Variants in UNC79 observed in about 807,000 individuals in gnomAD.
UNC79 encodes the protein unc-79 subunit of NALCN channel complex, also known as protein unc-79 homolog.
In UNC79, 37 loss-of-function variants were observed where a neutral mutation model predicts 283.1. The observed-to-expected ratio is 0.13, with a 90% CI of 0.10 to 0.17. The LOEUF (loss-of-function observed/expected upper bound fraction) is 0.17, where lower values mean the gene tolerates loss of function less well. Among genes scored for constraint, UNC79 ranks in the 10% least tolerant of loss-of-function variants. The pLI, the probability that UNC79 is intolerant of heterozygous loss-of-function variation, is 1.00. For synonymous variants in UNC79, 1,107 were observed against 1,200.2 expected, an observed-to-expected ratio of 0.92 and a Z score of 1.61; for missense variants, 2,272 against 3,211.1, an observed-to-expected ratio of 0.71 and a Z score of 7.07.
chr14:93,686,489 A>C (rs1426420049), intron 42 of UNC79, 83 bp from the exon 46 acceptor site: 10 of 1,451,610 alleles, frequency 6.9e-6, no homozygotes, highest in African/African-American at 1.4e-5. Flanking sequence ...ACTCCTTAGT[A>C]AACAACGTGA....
Position 93,572,831 on chromosome 14 carries a change from CT to C in UNC79, c.2070+18del. The C allele has an allele frequency of 6.2e-7, 1 of 1,611,792 alleles. No homozygotes were observed. Among genetic ancestry groups the C allele is most frequent in the African/African-American group, 1.3e-5 (1 of 74,878 alleles). ...TGTGGCTTCATGTAAGTGAATAATACTTTCGATCATTTTAGGAAATAGTTCT... is the reference window on the plus strand; with the variant it reads ...TGTGGCTTCATGTAAGTGAATAATACTTCGATCATTTTAGGAAATAGTTCT... On this transcript the variant is annotated intron_variant, in intron 16 of 48. Coordinates refer to ENST00000555664, the Ensembl canonical transcript of UNC79.
At chr14:93,479,808 T>A (rs767218005) in intron 4 of UNC79, among the ~76,000 whole-genome samples, 33 of 151,980 alleles carry the variant, frequency 2.2e-4, no homozygotes, top group Non-Finnish European at 3.1e-4. Flanking sequence ...ATTAAAAAAA[T>A]TTTTTTGTAG....
At chr14:93,385,719 CAGTGA>C (rs1302378191) in intron 1 of UNC79, among the ~76,000 whole-genome samples, 1 of 149,708 alleles carries the variant, frequency 6.7e-6, no homozygotes, top group African/African-American at 2.5e-5. Flanking sequence ...GTGGAGGTTG[CAGTGA>C]GCAGTGTTTG....
chr14:93,619,270 G>C (rs570299830), intron 29 of UNC79, among the ~76,000 whole-genome samples: 1 of 152,336 alleles, frequency 6.6e-6, no homozygotes, highest in South Asian at 2.1e-4. Context: ...CCAGTTTAGG[G>C]TTTAGTCTCT....
At chr14:93,514,713 A>C (rs2059975638) in intron 7 of UNC79, among the ~76,000 whole-genome samples, 3 of 152,116 alleles carry the variant, frequency 2.0e-5, no homozygotes, top group Admixed American at 2.0e-4. Flanking sequence ...TACCCACCAA[A>C]AACGCTGATT....
At chr14:93,457,340 A>G (rs1214230138) in intron 1 of UNC79, among the ~76,000 whole-genome samples, 1 of 152,248 alleles carries the variant, frequency 6.6e-6, no homozygotes, top group African/African-American at 2.4e-5. Context: ...CATCCATGAT[A>G]GAAGGAAGTC....
At chr14:93,578,169 T>C in intron 18 of UNC79, 106 bp downstream of exon 18, 1 of 1,117,216 alleles carries the variant, frequency 9.0e-7, no homozygotes, top group Non-Finnish European at 1.3e-6. Context: ...ATCAAAATGA[T>C]TCAGCATCAC....
chr14:93,459,204 C>T (rs372377713), intron 1 of UNC79, among the ~76,000 whole-genome samples: 1 of 152,174 alleles, frequency 6.6e-6, no homozygotes, highest in African/African-American at 2.4e-5. Flanking sequence ...GTTGGCCAGG[C>T]TGGTCTCAAA....
intron 14 of UNC79, among the ~76,000 whole-genome samples, chr14:93,570,117 A>T (rs565615541): frequency 2.0e-5 from 3 of 152,096 alleles, no homozygotes; most frequent in South Asian, 2.1e-4. Flanking sequence ...TGGCTAATTT[A>T]AAAAAATTTT....
intron 19 of UNC79, among the ~76,000 whole-genome samples, chr14:93,580,886 T>C (rs1446640460): frequency 6.6e-6 from 1 of 152,088 alleles, no homozygotes; most frequent in African/African-American, 2.4e-5. Context: ...TTAAATTATT[T>C]TTTGTGGAGA....
intron 5 of UNC79, among the ~76,000 whole-genome samples, chr14:93,494,157 G>T (rs187867250): frequency 6.6e-6 from 1 of 151,774 alleles, no homozygotes; most frequent in Non-Finnish European, 1.5e-5. Context: ...TGATCCACCC[G>T]CCTCGGCCTC....
At chr14:93,541,718 T>C (rs1406797568) in intron 13 of UNC79, among the ~76,000 whole-genome samples, 2 of 152,126 alleles carry the variant, frequency 1.3e-5, no homozygotes, top group African/African-American at 2.4e-5. Flanking sequence ...AAAAAGTCTA[T>C]TTATGGGCCG....
At chr14:93,680,354 C>T (rs2073745540) in intron 41 of UNC79, among the ~76,000 whole-genome samples, 1 of 152,182 alleles carries the variant, frequency 6.6e-6, no homozygotes, top group Admixed American at 6.5e-5. Context: ...CCAGGCCATG[C>T]AAACATACTT....
At chr14:93,641,722 T>C (rs1181564327) in intron 33 of UNC79, among the ~76,000 whole-genome samples, 1 of 152,212 alleles carries the variant, frequency 6.6e-6, no homozygotes, top group Non-Finnish European at 1.5e-5. Context: ...CCAGGAAGCC[T>C]TCTTGGTAAA....
intron 1 of UNC79, among the ~76,000 whole-genome samples, chr14:93,438,602 A>G (rs1382208623): frequency 2.0e-5 from 3 of 151,540 alleles, no homozygotes; most frequent in Non-Finnish European, 2.9e-5. Context: ...CCACTCTCCC[A>G]TTCAACATTG....
intron 1 of UNC79, among the ~76,000 whole-genome samples, chr14:93,448,366 T>A (rs2056531145): frequency 6.6e-6 from 1 of 152,164 alleles, no homozygotes; most frequent in African/African-American, 2.4e-5. Context: ...CTTGCATGAT[T>A]TTTTTATTTC....
chr14:93,502,826 A>G (rs529108905), intron 7 of UNC79, among the ~76,000 whole-genome samples: 68 of 152,372 alleles, frequency 4.5e-4, no homozygotes, highest in Middle Eastern at 3.4e-3. Flanking sequence ...AGACAGTACT[A>G]CAAGGTGAAA....
chr14:93,469,082 A>T (rs1370900089), intron 2 of UNC79, among the ~76,000 whole-genome samples: 6 of 152,232 alleles, frequency 3.9e-5, no homozygotes, highest in African/African-American at 1.4e-4. Context: ...AGTAGGAAGC[A>T]TGCTGAATTC....
rs144099724 is a variant in UNC79 at position 93,706,736 on chromosome 14, G to T, written c.7623G>T (p.Gln2541His). ...CTGCGGGACTCCAGCTTCGCCTCCA[G>T]GCTATTCAGAACCACGTGAACCACC... The change falls in exon 49 of 49, where the codon CAG becomes CAT. Residue 2541 changes from glutamine to histidine, a missense_variant. By Grantham distance (24) the Gln-to-His change is conservative. This residue lies in a region of UNC79 where 225 missense variants were observed against 334.2 expected (regional missense o/e 0.67). Coordinates refer to ENST00000555664, the Ensembl canonical transcript of UNC79. The T allele has an allele frequency of 8.1e-6, 13 of 1,614,232 alleles. No individual in the cohort carries two copies. In the African/African-American group the frequency reaches 1.3e-4, roughly 17 times the overall value.
Sources: allele counts gnomAD v4.1 joint callset (sites outside exome capture counted in the v4.1 genomes callset), GRCh38; gene constraint gnomAD v4.1.1; regional missense constraint gnomAD v4.1.1; transcripts MANE v1.5; gene names NCBI Gene and HGNC (gene_info 2026-07-23, HGNC 2026-07-21).